The following FSTL4 variants were observed in gnomAD, a reference collection of about 807,000 sequenced individuals.
FSTL4 encodes follistatin-related protein 4.
FSTL4 carries 28 observed loss-of-function variants against 78.2 expected under a neutral mutation model. That is an observed-to-expected ratio of 0.36 (90% CI 0.27 to 0.49). The LOEUF is 0.49. FSTL4 is among the 20% of genes least tolerant of loss of function. FSTL4 has a pLI of 0.98. For synonymous variants in FSTL4, 422 were observed against 440.5 expected (o/e 0.96, Z 0.53); for missense variants, 922 against 1,084.9 (o/e 0.85, Z 2.11).
chr5:133,656,274 G>A, the FSTL4 span, among the ~76,000 whole-genome samples: 1 of 152,104 alleles, frequency 6.6e-6, no homozygotes, highest in Non-Finnish European at 1.5e-5. Flanking sequence ...GGAACTCTGG[G>A]ATCTAGTATA....
chr5:133,454,998 C>T (rs1230061731), intron 3 of FSTL4, among the ~76,000 whole-genome samples: 2 of 152,264 alleles, frequency 1.3e-5, no homozygotes, highest in African/African-American at 4.8e-5. Context: ...CGGTGCCCCA[C>T]TCCCAGCCCA....
At chr5:133,311,303 A>G (rs1429948017) in intron 6 of FSTL4, among the ~76,000 whole-genome samples, 2 of 152,134 alleles carry the variant, frequency 1.3e-5, no homozygotes, top group Admixed American at 1.3e-4. Flanking sequence ...CCTTATTATG[A>G]ACCAACATAG....
intron 6 of FSTL4, among the ~76,000 whole-genome samples, chr5:133,293,857 T>G (rs918276881): frequency 6.6e-6 from 1 of 152,216 alleles, no homozygotes; most frequent in African/African-American, 2.4e-5. Flanking sequence ...ATTTGGGGGT[T>G]GTGTGTGATT....
At chr5:133,718,223 G>A in the FSTL4 span, among the ~76,000 whole-genome samples, 6 of 152,082 alleles carry the variant, frequency 3.9e-5, no homozygotes, top group African/African-American at 1.4e-4. Context: ...CTCCCGAGTG[G>A]TGTGTGCCAC....
chr5:133,598,459 C>A (rs962789381), intron 2 of FSTL4, among the ~76,000 whole-genome samples: 1 of 151,968 alleles, frequency 6.6e-6, no homozygotes, highest in Non-Finnish European at 1.5e-5. Flanking sequence ...AATCCCAATG[C>A]CCCTGAGACC....
intron 11 of FSTL4, among the ~76,000 whole-genome samples, chr5:133,223,805 A>G (rs1751237494): frequency 2.6e-5 from 4 of 151,766 alleles, no homozygotes; most frequent in Admixed American, 2.0e-4. Flanking sequence ...TTTAAGGTAC[A>G]GTGACTATCT....
chr5:133,771,413 C>A, the FSTL4 span, among the ~76,000 whole-genome samples: 1 of 151,962 alleles, frequency 6.6e-6, no homozygotes, highest in South Asian at 2.1e-4. Context: ...TTGTAGTCCT[C>A]CTTATAGAGA....
the FSTL4 span, among the ~76,000 whole-genome samples, chr5:133,640,742 C>T: frequency 3.3e-5 from 5 of 152,146 alleles, no homozygotes; most frequent in Non-Finnish European, 5.9e-5. Context: ...ATCATACTCA[C>T]CCTGCATGTA....
intron 3 of FSTL4, among the ~76,000 whole-genome samples, chr5:133,513,871 C>T (rs1175027793): frequency 6.6e-6 from 1 of 152,072 alleles, no homozygotes; most frequent in East Asian, 1.9e-4. Flanking sequence ...ACTTCGGCAC[C>T]TCAAGAGAAT....
chr5:133,233,494 G>A lies in FSTL4; in HGVS notation c.938C>T (p.Thr313Ile), dbSNP rs1175145767. ...GCAGGTGTAATTGCCCATGTGGATG[G>A]TGGTCACCTTGGTGATGTACAGGGA... ...DDSLYITKVT[T>I]IHMGNYTCHA... is the part of the protein sequence containing the mutation. The change falls in exon 8 of 16, where the codon ACC becomes ATC. Residue 313 changes from threonine (T) to isoleucine (I), a missense_variant. Coordinates refer to ENST00000265342, the MANE Select transcript of FSTL4 (RefSeq NM_015082.2). 6.2e-7 allele frequency: 1 copy of A among 1,614,166 alleles called. No homozygotes were observed. The highest frequency in any genetic ancestry group is 1.1e-5 in the South Asian group (1 of 91,084).
chr5:133,407,715 G>C (rs1756394205), intron 3 of FSTL4, among the ~76,000 whole-genome samples: 1 of 152,212 alleles, frequency 6.6e-6, no homozygotes, highest in Non-Finnish European at 1.5e-5. Flanking sequence ...GCACAAATAG[G>C]TTTCTACATA....
At chr5:133,683,407 G>A in the FSTL4 span, among the ~76,000 whole-genome samples, 3 of 152,048 alleles carry the variant, frequency 2.0e-5, no homozygotes, top group South Asian at 2.1e-4. Flanking sequence ...ATAGACAAAC[G>A]GATGTTTTAA....
the FSTL4 span, among the ~76,000 whole-genome samples, chr5:133,647,058 A>T: frequency 6.6e-6 from 1 of 152,094 alleles, no homozygotes; most frequent in African/African-American, 2.4e-5. Flanking sequence ...TCTAAAGGCA[A>T]TGTTTGTTTT....
At chr5:133,657,781 T>G in the FSTL4 span, among the ~76,000 whole-genome samples, 223 of 151,220 alleles carry the variant, frequency 1.5e-3, 1 homozygote, top group African/African-American at 4.3e-3. Flanking sequence ...TTTTGTTTTT[T>G]TTTTTTTTTA....
At chr5:133,642,909 T>C in the FSTL4 span, among the ~76,000 whole-genome samples, 1 of 152,240 alleles carries the variant, frequency 6.6e-6, no homozygotes, top group Non-Finnish European at 1.5e-5. Context: ...GAACTTGAGC[T>C]GGTGGACTTG....
intron 2 of FSTL4, among the ~76,000 whole-genome samples, chr5:133,571,192 T>C (rs1228707041): frequency 6.6e-6 from 1 of 152,044 alleles, no homozygotes; most frequent in Non-Finnish European, 1.5e-5. Flanking sequence ...TTCCAAGAAA[T>C]AGTCGCCCTG....
chr5:133,250,609 A>C (rs1004387442), intron 6 of FSTL4, among the ~76,000 whole-genome samples: 12 of 152,378 alleles, frequency 7.9e-5, no homozygotes, highest in African/African-American at 2.9e-4. Context: ...GAGCTCTGCT[A>C]TTCTGCGGGA....
intron 14 of FSTL4, among the ~76,000 whole-genome samples, chr5:133,205,859 T>A (rs1316867588): frequency 1.3e-5 from 2 of 152,180 alleles, no homozygotes; most frequent in Non-Finnish European, 2.9e-5. Context: ...CAGAATGTCT[T>A]AAAAAATATC....
chr5:133,619,645 T>C, the FSTL4 span, among the ~76,000 whole-genome samples: 4 of 152,186 alleles, frequency 2.6e-5, no homozygotes, highest in Non-Finnish European at 5.9e-5. Flanking sequence ...TTTTCAGTTA[T>C]GGAGAACATT....
Sources: allele counts gnomAD v4.1 joint callset (sites outside exome capture counted in the v4.1 genomes callset), GRCh38; gene constraint gnomAD v4.1.1; transcripts MANE v1.5; gene names NCBI Gene and HGNC (gene_info 2026-07-23, HGNC 2026-07-21).